Variants in PCNX3 observed in about 807,000 individuals in gnomAD.
PCNX3 encodes the protein pecanex-like protein 3.
A neutral mutation model predicts 207.2 loss-of-function variants in PCNX3; 58 were observed. The observed-to-expected ratio is 0.28, with a 90% CI of 0.23 to 0.35. PCNX3 has a LOEUF of 0.35. PCNX3 is among the 10% of genes least tolerant of loss of function. The pLI is 1.00. For missense variants in PCNX3, 2,410 were observed against 2,774.4 expected (o/e 0.87, Z 2.95); for synonymous variants, 1,337 against 1,183.5 (o/e 1.13, Z -2.66).
In PCNX3 at chr11:65,619,629, C is replaced by CCTCCAG; in HGVS notation, c.1800_1805dup (p.Pro601_Ala602dup). 6.2e-7 allele frequency: 1 copy of CCTCCAG among 1,602,640 alleles called. No individual in the cohort carries two copies. The highest frequency in any genetic ancestry group is 8.5e-7 in the Non-Finnish European group (1 of 1,178,432). On this transcript the variant is annotated inframe_insertion, in exon 7 of 35. Coordinates refer to ENST00000355703, the MANE Select transcript of PCNX3 (RefSeq NM_032223.4). ...CCACAATGCAGGCAGCAACCCCACC[C>CCTCCAG]CTCCAGCCTCTGTCATGGGCTCGCC...
chr11:65,621,194 G>A (rs568688756), intron 10 of PCNX3, among the ~76,000 whole-genome samples: 2 of 152,310 alleles, frequency 1.3e-5, no homozygotes, highest in East Asian at 3.9e-4. Flanking sequence ...AATTCCTTTG[G>A]AGTACATTCC....
At position 65,630,403 on chromosome 11, in the gene PCNX3, G is replaced by C; in HGVS notation, c.4269G>C (p.Glu1423Asp). Residue 1423 changes from glutamate (E) to aspartate (D), a missense_variant, in exon 27 of 35, where the codon GAG becomes GAC. Glu to Asp is a conservative substitution (Grantham distance 45, BLOSUM62 2). This residue lies in a region of PCNX3 where 420 missense variants were observed against 705.3 expected (regional missense o/e 0.60). Coordinates refer to ENST00000355703, the MANE Select transcript of PCNX3 (RefSeq NM_032223.4). ...AGGCTATCACCGAGGGTGTGGAGGA[G>C]GACGAGGGCTGTTGCTGCTGTGAAC... Reference protein sequence around the residue: ...EVEAITEGVEEDEGCCCCEPG... With the variant: ...EVEAITEGVEDDEGCCCCEPG... 5.6e-6 allele frequency: 9 copies of C among 1,613,500 alleles called. No homozygotes were observed. The highest frequency in any genetic ancestry group is 7.6e-6 in the Non-Finnish European group (9 of 1,179,890).
intron 27 of PCNX3, 68 bp downstream of exon 27, chr11:65,630,672 A>G: frequency 6.4e-7 from 1 of 1,553,414 alleles, no homozygotes; most frequent in Non-Finnish European, 8.7e-7. Context: ...CAGAGGCCCC[A>G]GTACCCCCTT....
At chr11:65,617,446 CT>C (rs1590867125) in intron 3 of PCNX3, 23 bp from the exon 4 acceptor site, 1 of 1,613,916 alleles carries the variant, frequency 6.2e-7, no homozygotes, top group Non-Finnish European at 8.5e-7. Context: ...TTGTTTGTTC[CT>C]TCATGGCTCT....
chr11:65,617,439 T>C (rs758117524), intron 3 of PCNX3, 31 bp from the exon 4 acceptor site: 2 of 1,613,868 alleles, frequency 1.2e-6, no homozygotes, highest in Non-Finnish European at 1.7e-6. Context: ...TCTTGCCTTG[T>C]TTGTTCCTTC....
In PCNX3 at chr11:65,629,506, G is replaced by T; in HGVS notation, c.4001-14G>T. The T allele has an allele frequency of 1.2e-6, 2 of 1,613,512 alleles. No homozygotes were observed. The highest frequency in any genetic ancestry group is 1.7e-6 in the Non-Finnish European group (2 of 1,179,702). On this transcript the variant is annotated splice_polypyrimidine_tract_variant and intron_variant, in intron 25 of 34. Transcript: ENST00000355703. ...TGTCACTTTGTCCATTTGCCCGTCTGTTCTGGGTCTTAGGCGCTGATGACA... is the reference window on the plus strand; with the variant it reads ...TGTCACTTTGTCCATTTGCCCGTCTTTTCTGGGTCTTAGGCGCTGATGACA...
At position 65,617,479 on chromosome 11, in the gene PCNX3, C is replaced by A; in HGVS notation, c.451C>A (p.Pro151Thr). The A allele has an allele frequency of 6.2e-7, 1 of 1,613,928 alleles. No individual in the cohort carries two copies. Among genetic ancestry groups the A allele is most frequent in the Middle Eastern group, 1.6e-4 (1 of 6,062 alleles). ...FGFNQVSELL[P>T]RMEDSGPLRD... is the part of the protein sequence containing the mutation. ...CTCTCTGTCTACTCAGGAGCTGCTG[C>A]CCCGAATGGAGGACTCTGGGCCCCT... The change falls in exon 4 of 35, where the codon CCC becomes ACC. Residue 151 changes from proline to threonine, a missense_variant. This residue lies in a region of PCNX3 where 1,104 missense variants were observed against 970.3 expected (regional missense o/e 1.14). Coordinates refer to ENST00000355703, the MANE Select transcript of PCNX3 (RefSeq NM_032223.4).
At position 65,625,521 on chromosome 11, in the gene PCNX3, G is replaced by A. The variant is rs754343746; in HGVS notation, c.3135+11G>A. On this transcript the variant is annotated intron_variant, in intron 18 of 34. Coordinates refer to ENST00000355703, the MANE Select transcript of PCNX3 (RefSeq NM_032223.4). The surrounding 1 kb of genome is among the most constrained non-coding windows in gnomAD (Gnocchi z 5.6). ...ATGCGCCAGTCGGTGGTGAGGGGGC[G>A]GGGGGTGGGGGTCTGTGGGGAGGTG... 2.0e-5 allele frequency: 32 copies of A among 1,593,160 alleles called. No individual in the cohort carries two copies. Among genetic ancestry groups the A allele is most frequent in the South Asian group, 1.1e-4 (10 of 90,300 alleles).
intron 22 of PCNX3, 119 bp from the exon 23 acceptor site, chr11:65,628,476 T>C: frequency 2.2e-6 from 2 of 904,646 alleles, no homozygotes; most frequent in Admixed American, 2.1e-5. Context: ...TGACCTTGAG[T>C]TTGGCCCCCG....
At position 65,635,827 on chromosome 11, in the gene PCNX3, G is replaced by T; in HGVS notation, c.5459+24G>T. ...AGGTGAGGCCTCGGGAAGGGGTGAC[G>T]TGTGGCGCGGGAGGAAGCTGAGGTG... On this transcript the variant is annotated intron_variant, in intron 32 of 34. Coordinates refer to ENST00000355703, the MANE Select transcript of PCNX3 (RefSeq NM_032223.4). This position sits in a 1 kb window ranked among gnomAD's most constrained non-coding sequence, Gnocchi z 9.9. 6.3e-7 allele frequency: 1 copy of T among 1,590,356 alleles called. No individual in the cohort carries two copies. Among genetic ancestry groups the T allele is most frequent in the Non-Finnish European group, 8.6e-7 (1 of 1,168,130 alleles).
rs201164438 is a variant in PCNX3, at chr11:65,627,498, C to T, written c.3618C>T (p.Thr1206=). ...AGCAGTACCTGACGTTGGCCTTCAC[C>T]GTCCTGCTCTTCCACTTTGACTACC... ...PPQQYLTLAF[T]VLLFHFDYPR... The change falls in exon 22 of 35, where the codon ACC becomes ACT. Residue 1206 remains threonine (T), a synonymous_variant. Coordinates refer to ENST00000355703, the MANE Select transcript of PCNX3 (RefSeq NM_032223.4). The T allele has an allele frequency of 4.4e-4, 711 of 1,613,822 alleles. 2 individuals carry two copies. The African/African-American group carries it at 8.6e-3, about 19-fold the overall frequency.
chr11:65,617,435 C>T, intron 3 of PCNX3, 35 bp from the exon 4 acceptor site: 5 of 1,613,922 alleles, frequency 3.1e-6, no homozygotes, highest in Non-Finnish European at 4.2e-6. Flanking sequence ...TACTTCTTGC[C>T]TTGTTTGTTC....
rs1307553383 is a variant in PCNX3, at chr11:65,619,849, C to G, written c.1925C>G (p.Thr642Ser). Reference sequence around the variant, plus strand: ...CATTTCGCCTCTTCACTGTTGCTCACCCGGGCCGGTGCCAATGTGCATGAG... The same window carrying G: ...CATTTCGCCTCTTCACTGTTGCTCAGCCGGGCCGGTGCCAATGTGCATGAG... ...ALHFASSLLL[T>S]RAGANVHEAC... The change falls in exon 8 of 35, where the codon ACC (threonine) becomes AGC (serine). Residue 642 changes from threonine to serine, a missense_variant. Transcript: ENST00000355703. 1.9e-6 allele frequency: 3 copies of G among 1,609,446 alleles called. No homozygotes were observed. The highest frequency in any genetic ancestry group is 1.1e-5 in the South Asian group (1 of 90,780).
At chr11:65,624,136 C>A in intron 13 of PCNX3, 59 bp from the exon 14 acceptor site, 1 of 1,570,238 alleles carries the variant, frequency 6.4e-7, no homozygotes, top group Non-Finnish European at 8.6e-7. Flanking sequence ...TGAGTGTGTG[C>A]ATGTGTCAGA....
intron 22 of PCNX3, among the ~76,000 whole-genome samples, chr11:65,627,920 C>T (rs924218390): frequency 1.1e-4 from 16 of 152,176 alleles, no homozygotes; most frequent in East Asian, 3.9e-4. Context: ...CTGAGTTCCA[C>T]GCTCTTTTGC....
At position 65,636,617 on chromosome 11, in the gene PCNX3, C is replaced by A; in HGVS notation, c.5820C>A (p.Gly1940=). The part of the protein sequence containing the change: ...EGPSGKWSLG[G]RKGLGGSDGE... The stretch of plus-strand genomic sequence containing the variant: ...CCAGTGGAAAGTGGAGCCTGGGGGG[C>A]CGGAAGGGGCTGGGAGGATCTGACG... Residue 1940 remains glycine (G), a synonymous_variant, in exon 34 of 35, where the codon GGC becomes GGA. Transcript: ENST00000355703. The A allele has an allele frequency of 6.3e-7, 1 of 1,584,746 alleles. No homozygotes were observed.
rs1021853769 is a variant in PCNX3 at position 65,619,420 on chromosome 11, G to C, written c.1706-117G>C. On this transcript the variant is annotated intron_variant, in intron 6 of 34. Coordinates refer to ENST00000355703, the MANE Select transcript of PCNX3 (RefSeq NM_032223.4). ...CTGTGTGACCTGGCTGGGCCTCAGA[G>C]CCGGGGCGTGGTTGTACTAGGCCTT... The C allele has an allele frequency of 2.7e-6, 4 of 1,471,642 alleles. No individual in the cohort carries two copies. In the African/African-American group the frequency reaches 5.6e-5, roughly 21 times the overall value. 91.2% of individuals were successfully genotyped at this position (1,471,642 alleles called of 1,614,324 possible). A position where few individuals can be genotyped will look rare whatever the true frequency, so the allele number is the denominator to read the frequency against.
intron 8 of PCNX3, 101 bp from the exon 9 acceptor site, chr11:65,620,238 C>A: frequency 8.1e-7 from 1 of 1,239,886 alleles, no homozygotes; most frequent in Non-Finnish European, 1.1e-6. Flanking sequence ...GAGGACACAG[C>A]ACAAGGTTCT....
At chr11:65,619,088 C>G in intron 6 of PCNX3, 21 bp downstream of exon 6, 1 of 1,561,070 alleles carries the variant, frequency 6.4e-7, no homozygotes, top group African/African-American at 1.3e-5. Context: ...GCTCTAGAGG[C>G]AGGGGCTGGG....
Sources: gnomAD v4.1 joint callset for allele counts (sites outside exome capture counted in the v4.1 genomes callset) on GRCh38, gnomAD v4.1.1 for gene constraint, gnomAD v4.1.1 regional missense constraint, Gnocchi (gnomAD v3.1) non-coding constraint, MANE v1.5 for transcripts, NCBI Gene and HGNC (gene_info 2026-07-23, HGNC 2026-07-21) for gene names.